Variants in CDC20B observed in about 807,000 individuals in gnomAD.
CDC20B encodes the protein cell division cycle protein 20 homolog B.
In CDC20B, 58 loss-of-function variants were observed where a neutral mutation model predicts 64.1. That is an observed-to-expected ratio of 0.90 (90% CI 0.73 to 1.13). The LOEUF (loss-of-function observed/expected upper bound fraction) is 1.13. Ranked by LOEUF, CDC20B falls within the 50% of genes most tolerant of loss-of-function variation. The pLI, the probability that CDC20B is intolerant of heterozygous loss-of-function variation, is 0.00. For missense variants in CDC20B, 597 were observed against 633.0 expected, an observed-to-expected ratio of 0.94 and a Z score of 0.61; for synonymous variants, 243 against 230.6, an observed-to-expected ratio of 1.05 and a Z score of -0.49.
At chr5:55,172,050 G>A (rs1275397400) in intron 2 of CDC20B, among the ~76,000 whole-genome samples, 1 of 152,182 alleles carries the variant, frequency 6.6e-6, no homozygotes, top group Admixed American at 6.5e-5. Context: ...AGCAGATGAA[G>A]GCTCTTTATG....
intron 2 of CDC20B, among the ~76,000 whole-genome samples, chr5:55,151,499 C>A (rs768562690): frequency 1.3e-5 from 2 of 152,082 alleles, no homozygotes; most frequent in Non-Finnish European, 2.9e-5. Context: ...AGCAAAATTC[C>A]AAAGAAATTC....
At chr5:55,163,526 C>T (rs745720067) in intron 2 of CDC20B, among the ~76,000 whole-genome samples, 14 of 151,832 alleles carry the variant, frequency 9.2e-5, no homozygotes, top group Non-Finnish European at 1.5e-4. Context: ...TTTTATTTGA[C>T]ACAGAGTTTC....
At chr5:55,135,233 C>CTATATATATA (rs565350239) in intron 5 of CDC20B, among the ~76,000 whole-genome samples, 2 of 146,834 alleles carry the variant, frequency 1.4e-5, no homozygotes, top group African/African-American at 5.0e-5. Flanking sequence ...GTGTGTGTGT[C>CTATATATATA]TATATATATA....
At position 55,172,391 on chromosome 5, in the gene CDC20B, G is replaced by T; in HGVS notation, c.126+197C>A. On this transcript the variant is annotated intron_variant, in intron 2 of 11. Transcript: ENST00000381375. ...TGTGGAGGCAGAAACTAGAAAGTAC[G>T]ATTCAGATGCAAACGATTGCATTAT... 1.3e-5 allele frequency: 7 copies of T among 538,508 alleles called. No homozygotes were observed. The South Asian group carries it at 1.6e-4, about 12-fold the overall frequency. 33.4% of individuals were successfully genotyped at this position (538,508 alleles called of 1,614,324 possible).
At chr5:55,140,658 G>A (rs1207651034) in intron 4 of CDC20B, among the ~76,000 whole-genome samples, 1 of 151,958 alleles carries the variant, frequency 6.6e-6, no homozygotes, top group African/African-American at 2.4e-5. Context: ...GGTATTTTTT[G>A]GCTAGAATAA....
chr5:55,172,492 A>T, intron 2 of CDC20B, 96 bp downstream of exon 2: 1 of 993,918 alleles, frequency 1.0e-6, no homozygotes, highest in Non-Finnish European at 1.6e-6. Context: ...ATATTTTCAG[A>T]CCAGCTCAAA....
rs546076161 is a variant in CDC20B at position 55,146,018 on chromosome 5, T to C, written c.355+610A>G. Among the ~76,000 whole-genome samples, 17 of 152,306 alleles carry C rather than the reference T, an allele frequency of 1.1e-4. No homozygotes were observed. The South Asian group carries it at 2.5e-3, about 22-fold the overall frequency. On this transcript the variant is annotated intron_variant, in intron 3 of 11. Coordinates refer to ENST00000381375, the MANE Select transcript of CDC20B (RefSeq NM_001170402.1). ...GTGTGTATGTGTACATATACATATA[T>C]ACATATACATTCATACAATCTTTAC...
At chr5:55,132,513 C>G (rs527722667) in intron 6 of CDC20B, among the ~76,000 whole-genome samples, 31 of 152,328 alleles carry the variant, frequency 2.0e-4, no homozygotes, top group African/African-American at 7.0e-4. Context: ...GCCAATCTGT[C>G]TTCTCAGTGA....
chr5:55,127,987 G>A (rs1028188941), intron 7 of CDC20B, among the ~76,000 whole-genome samples: 3 of 152,030 alleles, frequency 2.0e-5, no homozygotes, highest in African/African-American at 7.2e-5. Context: ...AATGATACAT[G>A]AGAAATCAGA....
In CDC20B at chr5:55,143,611, T is replaced by C. The variant is rs1727845960; in HGVS notation, c.388A>G (p.Lys130Glu). The change falls in exon 4 of 12, where the codon AAA becomes GAA. Residue 130 changes from lysine to glutamate, a missense_variant. Lys to Glu is a moderately conservative substitution (Grantham distance 56). Transcript: ENST00000381375. The stretch of plus-strand genomic sequence containing the variant: ...GAGTTACTTGTTTCAGAAATTCCTT[T>C]GCTGGGGGTCTTCAGTTGTTCTTTG... ...SRKEQLKTPSKGISETSNSAL... is the reference protein window; with the variant it reads ...SRKEQLKTPSEGISETSNSAL... 1 of 1,607,706 alleles carries C rather than the reference T, an allele frequency of 6.2e-7. No individual in the cohort carries two copies. Among genetic ancestry groups the C allele is most frequent in the South Asian group, 1.1e-5 (1 of 90,078 alleles).
At chr5:55,152,515 G>A (rs1743695166) in intron 2 of CDC20B, among the ~76,000 whole-genome samples, 1 of 152,178 alleles carries the variant, frequency 6.6e-6, no homozygotes, top group Non-Finnish European at 1.5e-5. Flanking sequence ...AAATCTTAAT[G>A]GGGTTAGGTA....
intron 5 of CDC20B, among the ~76,000 whole-genome samples, chr5:55,139,167 A>C (rs1230985521): frequency 6.6e-6 from 1 of 152,184 alleles, no homozygotes; most frequent in Non-Finnish European, 1.5e-5. Context: ...TCAAATTAAC[A>C]CATGACTTCT....
chr5:55,155,471 G>A (rs991918960), intron 2 of CDC20B, among the ~76,000 whole-genome samples: 4 of 152,082 alleles, frequency 2.6e-5, no homozygotes, highest in Non-Finnish European at 5.9e-5. Context: ...CCCCAACCCC[G>A]TTCCTTAACC....
rs116551354 is a variant in CDC20B, at chr5:55,127,404, T to C, written c.895-53A>G. ...TAGCATTGGAGTTTTCACAGCCCAC[T>C]GTCTTCTCAAAGGCCTGAGAGCCAA... On this transcript the variant is annotated intron_variant, in intron 7 of 11. Transcript: ENST00000381375. 3.0e-4 allele frequency: 433 copies of C among 1,450,562 alleles called. 1 individual carries two copies. The African/African-American group carries it at 5.7e-3, about 19-fold the overall frequency. The allele number at this position is 1,450,562 out of a possible 1,614,324, so 89.9% of individuals were successfully genotyped here.
At chr5:55,157,417 G>C (rs1160529900) in intron 2 of CDC20B, among the ~76,000 whole-genome samples, 1 of 152,160 alleles carries the variant, frequency 6.6e-6, no homozygotes, top group Admixed American at 6.5e-5. Context: ...TCTCCAAAGT[G>C]CTGTCTGAAT....
At chr5:55,130,072 T>C (rs373960357) in intron 6 of CDC20B, among the ~76,000 whole-genome samples, 118 of 152,124 alleles carry the variant, frequency 7.8e-4, no homozygotes, top group Middle Eastern at 3.4e-3. Context: ...ACACATGAAA[T>C]GAATGAAAAT....
chr5:55,116,551 T>C (rs763603995), intron 11 of CDC20B, among the ~76,000 whole-genome samples: 26 of 152,256 alleles, frequency 1.7e-4, no homozygotes, highest in Non-Finnish European at 3.5e-4. Flanking sequence ...TGGACTCAAG[T>C]GATCCTTCCA....
At chr5:55,122,832 G>A (rs1742791641) in intron 9 of CDC20B, among the ~76,000 whole-genome samples, 1 of 152,140 alleles carries the variant, frequency 6.6e-6, no homozygotes, top group African/African-American at 2.4e-5. Flanking sequence ...CAAACAAGTG[G>A]TCCAGCCTCC....
At position 55,126,466 on chromosome 5, in the gene CDC20B, C is replaced by CAAAAAA. The variant is rs34581363; in HGVS notation, c.989+785_989+790dup. ...TAGGTGACAGAGTGAGATTCCATGT[C>CAAAAAA]AAAAAAAAAAAAAAAAAAAAACAGT... is the stretch of plus-strand genomic sequence containing the variant. On this transcript the variant is annotated intron_variant, in intron 8 of 11. Coordinates refer to ENST00000381375, the MANE Select transcript of CDC20B (RefSeq NM_001170402.1). The CAAAAAA allele has an allele frequency of 2.2e-3, 219 of 98,594 alleles. 14 individuals are homozygous for CAAAAAA. The highest frequency in any genetic ancestry group is 8.0e-3 in the African/African-American group (129 of 16,128). The allele number at this position is 98,594 out of a possible 1,614,324, so 6.1% of individuals were successfully genotyped here. A position where few individuals can be genotyped will look rare whatever the true frequency, so the allele number is the denominator to read the frequency against.
Sources: gnomAD v4.1 joint callset for allele counts (sites outside exome capture counted in the v4.1 genomes callset) on GRCh38, gnomAD v4.1.1 for gene constraint, MANE v1.5 for transcripts, NCBI Gene and HGNC (gene_info 2026-07-23, HGNC 2026-07-21) for gene names.